Variants in PAX7 observed in about 807,000 individuals in gnomAD.
PAX7 encodes paired box protein Pax-7.
In PAX7, 18 loss-of-function variants were observed where a neutral mutation model predicts 50.7. That is an observed-to-expected ratio of 0.36 (90% CI 0.25 to 0.53). The LOEUF is 0.53. Ranked by LOEUF, PAX7 falls within the 20% of genes least tolerant of loss-of-function variation. The pLI, the probability that PAX7 is intolerant of heterozygous loss-of-function variation, is 0.93. For synonymous variants in PAX7, 310 were observed against 290.4 expected, an observed-to-expected ratio of 1.07 and a Z score of -0.69; for missense variants, 644 against 702.9, an observed-to-expected ratio of 0.92 and a Z score of 0.95.
intron 5 of PAX7, among the ~76,000 whole-genome samples, chr1:18,698,859 C>T (rs941221194): frequency 6.6e-6 from 1 of 152,204 alleles, no homozygotes; most frequent in South Asian, 2.1e-4. Context: ...GCAAGCTGAA[C>T]GCTGCTTTTC....
chr1:18,664,807 A>T (rs150773838), intron 4 of PAX7, among the ~76,000 whole-genome samples: 142 of 152,158 alleles, frequency 9.3e-4, no homozygotes, highest in African/African-American at 3.3e-3. Context: ...CCCTAGACAT[A>T]TGCTGGCCTC....
At chr1:18,694,007 A>G (rs1570180677) in intron 5 of PAX7, among the ~76,000 whole-genome samples, 1 of 152,122 alleles carries the variant, frequency 6.6e-6, no homozygotes, top group East Asian at 1.9e-4. Flanking sequence ...CGTCTTATTG[A>G]CTTCCTATCA....
intron 7 of PAX7, among the ~76,000 whole-genome samples, chr1:18,724,651 A>G (rs1372910170): frequency 6.6e-6 from 1 of 152,182 alleles, no homozygotes; most frequent in East Asian, 1.9e-4. Context: ...CTAGAAACAG[A>G]ACCGACTCTA....
At chr1:18,646,900 G>T (rs908457297) in intron 4 of PAX7, among the ~76,000 whole-genome samples, 4 of 147,398 alleles carry the variant, frequency 2.7e-5, no homozygotes, top group African/African-American at 1.0e-4. Flanking sequence ...GGCGCGGGGG[G>T]AGCGGCCCGC....
intron 5 of PAX7, among the ~76,000 whole-genome samples, chr1:18,693,060 A>C (rs1010432214): frequency 2.0e-5 from 3 of 152,076 alleles, no homozygotes; most frequent in African/African-American, 7.2e-5. Context: ...ATGGAGGAGG[A>C]AGAGCCGGGA....
At chr1:18,710,784 T>G (rs1488825055) in intron 7 of PAX7, among the ~76,000 whole-genome samples, 1 of 152,176 alleles carries the variant, frequency 6.6e-6, no homozygotes, top group Non-Finnish European at 1.5e-5. Flanking sequence ...AATCTCTCCA[T>G]TCCTCAAAGC....
At chr1:18,725,317 CACCAACA>C (rs1557553412) in intron 7 of PAX7, among the ~76,000 whole-genome samples, 72 of 138,278 alleles carry the variant, frequency 5.2e-4, no homozygotes, top group East Asian at 3.4e-3. Flanking sequence ...CCCCCCGCCC[CACCAACA>C]CCGCCAGGCC....
intron 4 of PAX7, among the ~76,000 whole-genome samples, chr1:18,691,533 C>T (rs2089069829): frequency 6.6e-6 from 1 of 152,196 alleles, no homozygotes; most frequent in East Asian, 1.9e-4. Flanking sequence ...AGTATTTAAG[C>T]AATACTCTAG....
chr1:18,723,829 G>A (rs574717561), intron 7 of PAX7, among the ~76,000 whole-genome samples: 4 of 152,296 alleles, frequency 2.6e-5, no homozygotes, highest in Admixed American at 2.6e-4. Flanking sequence ...GAGAGAGGGA[G>A]CAGAGACTCT....
chr1:18,706,130 C>T (rs2089280230), intron 7 of PAX7, among the ~76,000 whole-genome samples: 1 of 152,160 alleles, frequency 6.6e-6, no homozygotes, highest in South Asian at 2.1e-4. Flanking sequence ...CTCCCACTGC[C>T]CTCCCTCCTC....
chr1:18,714,331 A>G (rs1315115403), intron 7 of PAX7, among the ~76,000 whole-genome samples: 1 of 152,234 alleles, frequency 6.6e-6, no homozygotes, highest in East Asian at 1.9e-4. Flanking sequence ...CTCATCTGTG[A>G]AATGGGGCCT....
intron 4 of PAX7, among the ~76,000 whole-genome samples, chr1:18,639,989 G>T (rs1051256383): frequency 3.3e-5 from 5 of 151,826 alleles, no homozygotes; most frequent in Non-Finnish European, 7.4e-5. Context: ...CCAGGGGACG[G>T]GGCGGGGGGG....
At chr1:18,646,609 C>T (rs1279925674) in intron 4 of PAX7, among the ~76,000 whole-genome samples, 5 of 152,196 alleles carry the variant, frequency 3.3e-5, no homozygotes, top group Non-Finnish European at 7.3e-5. Flanking sequence ...CCCCGCCGCC[C>T]TCTCGGCACA....
chr1:18,703,603 G>A (rs545902951), intron 7 of PAX7, among the ~76,000 whole-genome samples: 75 of 152,338 alleles, frequency 4.9e-4, no homozygotes, highest in African/African-American at 1.7e-3. Flanking sequence ...GATTGGTTAA[G>A]TCATTCATTG....
Position 18,699,564 on chromosome 1 carries a change from A to ATT in PAX7, c.787-1075_787-1074dup, listed in dbSNP as rs71027390. ...AAGTGGGCTCTAGAAAGCCAGACTGATTTTTTTTTTTTTTTGAGGCAGAGT... is the reference window on the plus strand; with the variant it reads ...AAGTGGGCTCTAGAAAGCCAGACTGATTTTTTTTTTTTTTTTTGAGGCAGAGT... On this transcript the variant is annotated intron_variant, in intron 5 of 8. Coordinates refer to ENST00000420770, the MANE Select transcript of PAX7 (RefSeq NM_001135254.2). Among the ~76,000 whole-genome samples the ATT allele has an allele frequency of 4.7e-3, 680 of 143,772 alleles. 11 individuals are homozygous for ATT. The highest frequency in any genetic ancestry group is 0.013 in the African/African-American group (497 of 38,954). The allele number at this position is 143,772 out of a possible 152,430, so 94.3% of individuals were successfully genotyped here.
intron 7 of PAX7, among the ~76,000 whole-genome samples, chr1:18,734,198 G>A (rs1018087619): frequency 1.3e-5 from 2 of 152,148 alleles, no homozygotes; most frequent in Non-Finnish European, 2.9e-5. Flanking sequence ...TTCTTACCCT[G>A]TAAGGGGAGT....
rs1570095990 is a variant in PAX7, at chr1:18,632,852, G to A, written c.85+1164G>A. Among the ~76,000 whole-genome samples the A allele has an allele frequency of 6.6e-6, 1 of 152,186 alleles. No homozygotes were observed. Among genetic ancestry groups the A allele is most frequent in the East Asian group, 1.9e-4 (1 of 5,168 alleles). On this transcript the variant is annotated intron_variant, in intron 1 of 8. Coordinates refer to ENST00000420770, the MANE Select transcript of PAX7 (RefSeq NM_001135254.2). The surrounding 1 kb of genome is among the most constrained non-coding windows in gnomAD (Gnocchi z 6.3). ...GTGCGCGCCGGCAGCCACGCAGGCG[G>A]GAGAGCGCGCAAACCCGGGGATTTG...
intron 7 of PAX7, among the ~76,000 whole-genome samples, chr1:18,712,319 G>A (rs1042347441): frequency 4.6e-5 from 7 of 151,716 alleles, no homozygotes; most frequent in South Asian, 2.1e-4. Flanking sequence ...ATTTCCCCCC[G>A]GCAGCTCCTC....
rs560749213 is a variant in PAX7, at chr1:18,738,437, G to A, written c.1402+2559G>A. ...AATTAACCCCAAAGTCAGCATGGGG[G>A]CAGCAGGGGAGGGGATCAAAAGGGA... On this transcript the variant is annotated intron_variant, in intron 8 of 8. Coordinates refer to ENST00000420770, the MANE Select transcript of PAX7 (RefSeq NM_001135254.2). Among the ~76,000 whole-genome samples, 36 of 152,294 alleles carry A rather than the reference G, an allele frequency of 2.4e-4. No individual in the cohort carries two copies. The South Asian group carries it at 7.5e-3, about 32-fold the overall frequency.
Sources: gnomAD v4.1 joint callset for allele counts (sites outside exome capture counted in the v4.1 genomes callset) on GRCh38, gnomAD v4.1.1 for gene constraint, Gnocchi (gnomAD v3.1) non-coding constraint, MANE v1.5 for transcripts, NCBI Gene and HGNC (gene_info 2026-07-23, HGNC 2026-07-21) for gene names.